The following RP1L1 variants were observed in gnomAD, a reference collection of about 807,000 sequenced individuals.
RP1L1 encodes retinitis pigmentosa 1-like 1 protein.
In RP1L1, 27 loss-of-function variants were observed where a neutral mutation model predicts 15.7. That is an observed-to-expected ratio of 1.72 (90% CI 1.27 to 2.38). The LOEUF (loss-of-function observed/expected upper bound fraction) is 2.38, where lower values mean the gene tolerates loss of function less well. RP1L1 is among the 30% of genes most tolerant of loss of function. The probability of loss-of-function intolerance (pLI) is 0.00; values close to 1 mark genes in which losing one functional copy is unlikely to be tolerated. For missense variants in RP1L1, 4,798 were observed against 3,075.9 expected (o/e 1.56, Z -13.24); for synonymous variants, 1,813 against 1,276.7 (o/e 1.42, Z -8.96).
At chr8:10,637,620 C>A (rs1396779150) in intron 1 of RP1L1, among the ~76,000 whole-genome samples, 2 of 152,098 alleles carry the variant, frequency 1.3e-5, no homozygotes, top group Admixed American at 6.6e-5. Flanking sequence ...GAAAACTCCC[C>A]ATTTATAGTC....
At chr8:10,646,476 C>G (rs1344954816) in intron 1 of RP1L1, among the ~76,000 whole-genome samples, 3 of 152,094 alleles carry the variant, frequency 2.0e-5, no homozygotes, top group Non-Finnish European at 4.4e-5. Flanking sequence ...TTATTGGAGC[C>G]CACGAGAGGA....
chr8:10,630,759 G>T (rs1016945555), intron 1 of RP1L1, among the ~76,000 whole-genome samples: 1 of 152,198 alleles, frequency 6.6e-6, no homozygotes. Flanking sequence ...ATTTTAAAAA[G>T]CTCTCCAGGT....
intron 1 of RP1L1, among the ~76,000 whole-genome samples, chr8:10,631,022 G>C (rs375769873): frequency 1.3e-5 from 2 of 152,178 alleles, no homozygotes; most frequent in Admixed American, 6.5e-5. Context: ...TGGCTCTCAG[G>C]GGGAATGGCT....
At chr8:10,640,258 G>A (rs1798387527) in intron 1 of RP1L1, among the ~76,000 whole-genome samples, 1 of 152,186 alleles carries the variant, frequency 6.6e-6, no homozygotes, top group African/African-American at 2.4e-5. Context: ...TCACTTAGTT[G>A]GAGAATGAAC....
intron 1 of RP1L1, among the ~76,000 whole-genome samples, chr8:10,626,494 C>A (rs548988464): frequency 2.0e-5 from 3 of 152,190 alleles, no homozygotes; most frequent in Non-Finnish European, 4.4e-5. Flanking sequence ...GGGTCCTTTG[C>A]ACGCTCTCCA....
chr8:10,621,304 A>G (rs559069259), intron 2 of RP1L1: 38 of 161,554 alleles, frequency 2.4e-4, no homozygotes, highest in Non-Finnish European at 4.4e-4. Flanking sequence ...TGATGTTTAT[A>G]ACAAAGTTTT....
rs897819518 is a variant in RP1L1 at position 10,632,563 on chromosome 8, C to A, written c.-19-9343G>T. On this transcript the variant is annotated intron_variant, in intron 1 of 3. Coordinates refer to ENST00000382483, the MANE Select transcript of RP1L1 (RefSeq NM_178857.6). ...TGTCTCCGCTCCTCTCATTCTCCTG[C>A]CAACTCACGGCCTGTAGAATCCCCG... Among the ~76,000 whole-genome samples the A allele has an allele frequency of 4.6e-5, 7 of 152,210 alleles. No individual in the cohort carries two copies. In the South Asian group the frequency reaches 1.4e-3, roughly 32 times the overall value.
intron 1 of RP1L1, among the ~76,000 whole-genome samples, chr8:10,634,746 C>T (rs1395171354): frequency 6.6e-6 from 1 of 152,158 alleles, no homozygotes; most frequent in Non-Finnish European, 1.5e-5. Flanking sequence ...CAGGAGCCCC[C>T]ACACAGAACC....
At position 10,611,075 on chromosome 8, in the gene RP1L1, T is replaced by A. The variant is rs1232821831; in HGVS notation, c.3023A>T (p.Gln1008Leu). The A allele has an allele frequency of 6.2e-7, 1 of 1,612,834 alleles. No individual in the cohort carries two copies. Residue 1008 changes from glutamine to leucine, a missense_variant, in exon 4 of 4, where the codon CAG becomes CTG. Transcript: ENST00000382483. ...CCCTTCCAGGGACTGCTGTCCCGCC[T>A]GAGCTGGCTCCCCCAGGCCTTCCAG... ...HSLEGLGEPA[Q>L]AGQQSLEGDP...
Position 10,609,338 on chromosome 8 carries a change from A to T in RP1L1, c.4760T>A (p.Val1587Glu). The T allele has an allele frequency of 6.2e-7, 1 of 1,612,186 alleles. No individual in the cohort carries two copies. The highest frequency in any genetic ancestry group is 8.5e-7 in the Non-Finnish European group (1 of 1,179,842). The change falls in exon 4 of 4, where the codon GTG becomes GAG. Residue 1587 changes from valine (V) to glutamate (E), a missense_variant. Transcript: ENST00000382483. ...GAGGGCCTCCCTTGGAGGCTCCAGC[A>T]CCATCCTACCCGCCCGGCCCTGGAG... ...QKLQGRAGRM[V>E]LEPPREALTG...
intron 1 of RP1L1, among the ~76,000 whole-genome samples, chr8:10,637,935 C>A (rs1479444946): frequency 6.6e-6 from 1 of 152,306 alleles, no homozygotes; most frequent in South Asian, 2.1e-4. Flanking sequence ...CTTGGGACAG[C>A]CCCACCCTCC....
intron 1 of RP1L1, among the ~76,000 whole-genome samples, chr8:10,632,874 C>A (rs1798273315): frequency 6.6e-6 from 1 of 152,160 alleles, no homozygotes; most frequent in African/African-American, 2.4e-5. Flanking sequence ...AATGAGCTAT[C>A]CCTTTAAGGA....
chr8:10,608,349 G>T lies in RP1L1; in HGVS notation c.5749C>A (p.Pro1917Thr). 1 of 1,606,976 alleles carries T rather than the reference G, an allele frequency of 6.2e-7. No individual in the cohort carries two copies. The highest frequency in any genetic ancestry group is 8.5e-7 in the Non-Finnish European group (1 of 1,178,610). The change falls in exon 4 of 4, where the codon CCA becomes ACA. Residue 1917 changes from proline to threonine, a missense_variant. Transcript: ENST00000382483. Reference protein sequence around the residue: ...EAPEAEKEAQPETESVEALET... With the variant: ...EAPEAEKEAQTETESVEALET... ...AGGGCCTCTACACTTTCTGTCTCTG[G>T]CTGGGCCTCCTTTTCTGCCTCCGGG... is the stretch of plus-strand genomic sequence containing the variant.
chr8:10,653,656 T>C (rs565001369), intron 1 of RP1L1, among the ~76,000 whole-genome samples: 5,105 of 150,562 alleles, frequency 0.034, 138 homozygotes, highest in Non-Finnish European at 0.048. Flanking sequence ...CACACACGCA[T>C]ACACACACAC....
At chr8:10,634,825 C>T (rs536765144) in intron 1 of RP1L1, among the ~76,000 whole-genome samples, 4 of 152,144 alleles carry the variant, frequency 2.6e-5, no homozygotes, top group Non-Finnish European at 5.9e-5. Context: ...ATGGCTCTTC[C>T]ACCTGGTGTG....
chr8:10,609,663 T>G lies in RP1L1; in HGVS notation c.4435A>C (p.Lys1479Gln), dbSNP rs374394498. The change falls in exon 4 of 4, where the codon AAG (lysine) becomes CAG (glutamine). Residue 1479 changes from lysine (K) to glutamine (Q), a missense_variant. Physicochemically the swap from Lys to Gln is moderately conservative, Grantham distance 53. Transcript: ENST00000382483. ...SGSQLEPGLE[K>Q]PPGATMMGQE... Reference sequence around the variant, plus strand: ...CCCATCATGGTGGCTCCGGGCGGCTTTTCCAAACCAGGCTCAAGCTGGGAG... The same window carrying G: ...CCCATCATGGTGGCTCCGGGCGGCTGTTCCAAACCAGGCTCAAGCTGGGAG... The G allele has an allele frequency of 3.7e-6, 6 of 1,611,450 alleles. No individual in the cohort carries two copies. The African/African-American group carries it at 8.0e-5, about 22-fold the overall frequency.
chr8:10,651,293 G>T (rs2117271327), intron 1 of RP1L1, among the ~76,000 whole-genome samples: 1 of 152,292 alleles, frequency 6.6e-6, no homozygotes, highest in South Asian at 2.1e-4. Flanking sequence ...AGGTGATTGT[G>T]CTCACACATT....
At chr8:10,653,046 G>T (rs978383704) in intron 1 of RP1L1, among the ~76,000 whole-genome samples, 1 of 152,158 alleles carries the variant, frequency 6.6e-6, no homozygotes, top group Non-Finnish European at 1.5e-5. Flanking sequence ...TGTGTGGCTG[G>T]GTTGTATCAG....
intron 1 of RP1L1, among the ~76,000 whole-genome samples, chr8:10,631,562 T>G (rs1211568287): frequency 1.3e-5 from 2 of 152,208 alleles, no homozygotes; most frequent in African/African-American, 4.8e-5. Flanking sequence ...TTCCTACAGT[T>G]ACCTAGAGAG....
Sources: gnomAD v4.1 joint callset for allele counts (sites outside exome capture counted in the v4.1 genomes callset) on GRCh38, gnomAD v4.1.1 for gene constraint, MANE v1.5 for transcripts, NCBI Gene and HGNC (gene_info 2026-07-23, HGNC 2026-07-21) for gene names.